DIP2C: variants seen among roughly 807,000 people sequenced by gnomAD.
DIP2C encodes DIP2 acetate--CoA ligase C (putative).
A neutral mutation model predicts 192.4 loss-of-function variants in DIP2C; 33 were observed. That is an observed-to-expected ratio of 0.17 (90% CI 0.13 to 0.23). The LOEUF (loss-of-function observed/expected upper bound fraction) is 0.23. Ranked by LOEUF, DIP2C falls within the 10% of genes least tolerant of loss-of-function variation. DIP2C has a pLI of 1.00. For synonymous variants in DIP2C, 979 were observed against 864.1 expected (o/e 1.13, Z -2.33); for missense variants, 1,537 against 2,110.1 (o/e 0.73, Z 5.32).
Position 338,134 on chromosome 10 carries a change from T to A in DIP2C, c.3584+3065A>T, listed in dbSNP as rs549699293. 1.8e-4 allele frequency among the ~76,000 whole-genome samples: 27 copies of A among 152,370 alleles called. 1 individual carries two copies. Among genetic ancestry groups the A allele is most frequent in the African/African-American group, 5.8e-4 (24 of 41,584 alleles). ...GATAAATTATTTTTGTATAGTTGTA[T>A]AATGTGTTTGTGTTATAAGCTAAGT... On this transcript the variant is annotated intron_variant, in intron 29 of 36. Transcript: ENST00000280886.
intron 29 of DIP2C, among the ~76,000 whole-genome samples, chr10:339,988 C>T (rs999955508): frequency 1.3e-5 from 2 of 152,126 alleles, no homozygotes; most frequent in Non-Finnish European, 2.9e-5. Context: ...CAAGACCAGC[C>T]TGGCCAACAT....
At chr10:391,974 G>A (rs1000534890) in intron 10 of DIP2C, among the ~76,000 whole-genome samples, 37 of 152,150 alleles carry the variant, frequency 2.4e-4, no homozygotes, top group African/African-American at 7.5e-4. Flanking sequence ...GCCTCTCTGT[G>A]GAATTTTCAT....
chr10:313,475 A>G (rs1358417608), intron 31 of DIP2C, among the ~76,000 whole-genome samples: 1 of 29,022 alleles, frequency 3.4e-5, no homozygotes, highest in Non-Finnish European at 6.9e-5. Flanking sequence ...CAAATATTCG[A>G]AAAAACTGCA....
At chr10:680,253 A>T (rs1191961607) in intron 1 of DIP2C, among the ~76,000 whole-genome samples, 2 of 152,090 alleles carry the variant, frequency 1.3e-5, no homozygotes, top group Non-Finnish European at 2.9e-5. Flanking sequence ...TTAAAAATAG[A>T]TGTTTGTGCT....
intron 30 of DIP2C, 135 bp from the exon 31 acceptor site, chr10:327,311 TC>T: frequency 1.1e-6 from 1 of 931,732 alleles, no homozygotes; most frequent in South Asian, 1.9e-5. Flanking sequence ...GCCACCTGTG[TC>T]CACTTCTTCA....
chr10:423,114 T>C, intron 4 of DIP2C, 81 bp from the exon 5 acceptor site: 1 of 1,326,058 alleles, frequency 7.5e-7, no homozygotes, highest in Non-Finnish European at 1.0e-6. Context: ...AAACACAGAT[T>C]TACTTCACGT....
chr10:364,249 AACATGGAAGAGGAAACGGAGACACAAT>A, intron 20 of DIP2C, 98 bp downstream of exon 20: 1 of 1,145,004 alleles, frequency 8.7e-7, no homozygotes, highest in East Asian at 2.4e-5. Flanking sequence ...TTGCTTCAAT[AACATGGAAGAGGAAACGGAGACACAAT>A]ACATTTAAGG....
At chr10:556,924 TCTC>T (rs1429493472) in intron 1 of DIP2C, among the ~76,000 whole-genome samples, 2 of 145,222 alleles carry the variant, frequency 1.4e-5, no homozygotes, top group African/African-American at 2.8e-5. Context: ...ACATGCACTC[TCTC>T]CTCTCTCTCT....
intron 1 of DIP2C, among the ~76,000 whole-genome samples, chr10:546,382 G>A (rs1443784327): frequency 1.3e-5 from 2 of 151,996 alleles, no homozygotes; most frequent in African/African-American, 4.8e-5. Flanking sequence ...AAAATAAGCA[G>A]CAGTGTGGCA....
intron 15 of DIP2C, 38 bp downstream of exon 15, chr10:384,508 G>A (rs1284758029): frequency 1.2e-6 from 2 of 1,601,826 alleles, no homozygotes; most frequent in African/African-American, 1.3e-5. Flanking sequence ...AAAGCGCTGG[G>A]ATTACAGGTG....
intron 31 of DIP2C, among the ~76,000 whole-genome samples, chr10:312,619 G>A (rs1956611581): frequency 6.6e-6 from 1 of 152,166 alleles, no homozygotes; most frequent in Admixed American, 6.5e-5. Context: ...AATGGTTCAA[G>A]ATTTTAAAAG....
intron 17 of DIP2C, among the ~76,000 whole-genome samples, chr10:378,586 C>T (rs1169189215): frequency 4.3e-5 from 4 of 93,200 alleles, no homozygotes; most frequent in African/African-American, 1.8e-4. Context: ...CATGTGAACG[C>T]AGACATAGAC....
intron 1 of DIP2C, among the ~76,000 whole-genome samples, chr10:522,019 G>A (rs1846741076): frequency 1.3e-5 from 2 of 151,984 alleles, no homozygotes; most frequent in African/African-American, 4.8e-5. Context: ...GAACAGCATG[G>A]ATCCCCCATG....
chr10:498,378 T>C (rs560687524), intron 1 of DIP2C, among the ~76,000 whole-genome samples: 1 of 152,278 alleles, frequency 6.6e-6, no homozygotes, highest in Non-Finnish European at 1.5e-5. Flanking sequence ...TCAGAGCCCC[T>C]TGAATCTCCA....
intron 1 of DIP2C, among the ~76,000 whole-genome samples, chr10:519,961 G>A (rs773634800): frequency 5.9e-5 from 9 of 152,178 alleles, no homozygotes; most frequent in East Asian, 1.9e-4. Context: ...ACCCTTCTCC[G>A]TCTTGGAGCA....
At chr10:336,587 G>A (rs903361577) in intron 29 of DIP2C, among the ~76,000 whole-genome samples, 11 of 152,174 alleles carry the variant, frequency 7.2e-5, no homozygotes, top group Non-Finnish European at 1.3e-4. Context: ...ACAAACAACT[G>A]TTACTGGTTT....
At chr10:285,310 G>A (rs1205521050) in intron 34 of DIP2C, among the ~76,000 whole-genome samples, 1 of 152,124 alleles carries the variant, frequency 6.6e-6, no homozygotes, top group African/African-American at 2.4e-5. Context: ...GGAGGAGGAG[G>A]GCTGGTGCTG....
chr10:336,043 G>A (rs775923963), intron 29 of DIP2C, among the ~76,000 whole-genome samples: 2 of 151,888 alleles, frequency 1.3e-5, no homozygotes, highest in East Asian at 1.9e-4. Context: ...GACCACAGGC[G>A]CACACCACTA....
In DIP2C at chr10:363,387, A is replaced by G; in HGVS notation, c.2478-76T>C. 2 of 1,295,490 alleles carry G rather than the reference A, an allele frequency of 1.5e-6. No homozygotes were observed. Among genetic ancestry groups the G allele is most frequent in the South Asian group, 1.2e-5 (1 of 80,646 alleles). The allele number at this position is 1,295,490 out of a possible 1,614,324, so 80.2% of individuals were successfully genotyped here. ...CCCTCCCTCCGCCATCAGGGGCTCC[A>G]TAACCATCACTAGTGAGTGACACAG... On this transcript the variant is annotated intron_variant, in intron 20 of 36. Transcript: ENST00000280886. The surrounding 1 kb of genome is among the most constrained non-coding windows in gnomAD (Gnocchi z 5.4).
Sources: gnomAD v4.1 joint callset for allele counts (sites outside exome capture counted in the v4.1 genomes callset) on GRCh38, gnomAD v4.1.1 for gene constraint, Gnocchi (gnomAD v3.1) non-coding constraint, MANE v1.5 for transcripts, NCBI Gene and HGNC (gene_info 2026-07-23, HGNC 2026-07-21) for gene names.